CSMD1: variants seen among roughly 807,000 people sequenced by gnomAD.
CSMD1 encodes CUB and sushi domain-containing protein 1.
A neutral mutation model predicts 417.5 loss-of-function variants in CSMD1; 213 were observed. The observed-to-expected ratio is 0.51, with a 90% CI of 0.46 to 0.57. The LOEUF (loss-of-function observed/expected upper bound fraction) is 0.57. Ranked by LOEUF, CSMD1 falls within the 20% of genes least tolerant of loss-of-function variation. The pLI is 0.00. For missense variants in CSMD1, 6,923 were observed against 4,529.7 expected (o/e 1.53, Z -15.17); for synonymous variants, 2,862 against 1,736.8 (o/e 1.65, Z -16.11).
chr8:3,423,677 G>GAAGAAAGTCTT (rs1234852326), intron 12 of CSMD1, among the ~76,000 whole-genome samples: 1 of 152,208 alleles, frequency 6.6e-6, no homozygotes, highest in East Asian at 1.9e-4. Flanking sequence ...GGGCTATTAT[G>GAAGAAAGTCTT]AAGAAAGTCT....
In CSMD1 at chr8:3,262,214, T is replaced by C. The variant is rs942743675; in HGVS notation, c.4153+21930A>G. Among the ~76,000 whole-genome samples the C allele has an allele frequency of 5.4e-5, 6 of 110,472 alleles. 2 individuals carry two copies. Among genetic ancestry groups the C allele is most frequent in the African/African-American group, 2.0e-4 (6 of 30,348 alleles). 72.5% of individuals were successfully genotyped at this position (110,472 alleles called of 152,430 possible). On this transcript the variant is annotated intron_variant, in intron 26 of 69. Coordinates refer to ENST00000635120, the MANE Select transcript of CSMD1 (RefSeq NM_033225.6). ...ATATATATATATATATATATATATA[T>C]ATATATATATATATATACACACACA...
intron 3 of CSMD1, among the ~76,000 whole-genome samples, chr8:4,318,674 T>C (rs1799084022): frequency 6.7e-6 from 1 of 150,106 alleles, no homozygotes; most frequent in Non-Finnish European, 1.5e-5. Flanking sequence ...TTGATATCAC[T>C]GATTTTTAAC....
intron 3 of CSMD1, among the ~76,000 whole-genome samples, chr8:4,325,964 A>G (rs1324424964): frequency 2.6e-5 from 4 of 152,148 alleles, no homozygotes; most frequent in African/African-American, 9.7e-5. Context: ...ATCAGTCTAC[A>G]GTAGCACAAT....
chr8:4,877,653 C>A (rs1266983417), intron 1 of CSMD1, among the ~76,000 whole-genome samples: 1 of 151,772 alleles, frequency 6.6e-6, no homozygotes, highest in African/African-American at 2.4e-5. Context: ...CCAAATATAG[C>A]CAATAAACAC....
At chr8:4,736,794 A>C (rs1810275109) in intron 1 of CSMD1, among the ~76,000 whole-genome samples, 1 of 152,174 alleles carries the variant, frequency 6.6e-6, no homozygotes, top group African/African-American at 2.4e-5. Context: ...CTTTTGTATA[A>C]ACAAGTGCCT....
chr8:3,623,609 T>A (rs1796360340), intron 7 of CSMD1, among the ~76,000 whole-genome samples: 1 of 152,206 alleles, frequency 6.6e-6, no homozygotes, highest in African/African-American at 2.4e-5. Context: ...ATGTAATCCT[T>A]ATAATCAGGC....
chr8:3,034,762 C>A (rs1810563591), intron 50 of CSMD1, among the ~76,000 whole-genome samples: 1 of 152,072 alleles, frequency 6.6e-6, no homozygotes, highest in Non-Finnish European at 1.5e-5. Context: ...AAAATATAGT[C>A]TATAGGGACA....
intron 3 of CSMD1, among the ~76,000 whole-genome samples, chr8:4,126,312 GCT>G (rs1802761398): frequency 6.6e-6 from 1 of 152,144 alleles, no homozygotes; most frequent in Admixed American, 6.5e-5. Context: ...TGATAAATTG[GCT>G]CTGTCTGGGC....
chr8:4,144,220 T>G lies in CSMD1; in HGVS notation c.416-112121A>C, dbSNP rs908460052. ...TGCCCCTAGATCTTGGGCTTCTTCC[T>G]TGATTCAGCACAAACTGGCCGTAAG... is the stretch of plus-strand genomic sequence containing the variant. On this transcript the variant is annotated intron_variant, in intron 3 of 69. Coordinates refer to ENST00000635120, the MANE Select transcript of CSMD1 (RefSeq NM_033225.6). Among the ~76,000 whole-genome samples, 7 of 151,036 alleles carry G rather than the reference T, an allele frequency of 4.6e-5. 1 individual carries two copies. The highest frequency in any genetic ancestry group is 1.3e-4 in the Admixed American group (2 of 15,242).
At chr8:4,497,553 G>A (rs1395702484) in intron 2 of CSMD1, among the ~76,000 whole-genome samples, 1 of 152,186 alleles carries the variant, frequency 6.6e-6, no homozygotes, top group Non-Finnish European at 1.5e-5. Flanking sequence ...TGAGGAGCAG[G>A]GAGGAAAGAC....
chr8:4,054,570 C>G (rs1306374915), intron 3 of CSMD1, among the ~76,000 whole-genome samples: 2 of 152,096 alleles, frequency 1.3e-5, no homozygotes, highest in Non-Finnish European at 2.9e-5. Flanking sequence ...GAGTTCAACC[C>G]TCTTGGTGGT....
At chr8:4,512,438 A>C (rs1017478195) in intron 2 of CSMD1, among the ~76,000 whole-genome samples, 2 of 152,180 alleles carry the variant, frequency 1.3e-5, no homozygotes, top group Non-Finnish European at 2.9e-5. Flanking sequence ...GCAATAAAGC[A>C]AGTAGAGAAA....
intron 1 of CSMD1, among the ~76,000 whole-genome samples, chr8:4,934,995 C>T (rs904155710): frequency 1.1e-4 from 16 of 152,290 alleles, no homozygotes; most frequent in East Asian, 1.9e-4. Context: ...TGTCTATATT[C>T]ATCATCTATC....
At chr8:4,468,847 C>G (rs1800348536) in intron 2 of CSMD1, among the ~76,000 whole-genome samples, 1 of 152,048 alleles carries the variant, frequency 6.6e-6, no homozygotes, top group Non-Finnish European at 1.5e-5. Context: ...ATTGAATTAT[C>G]AATTAAGCTA....
At chr8:3,939,258 A>C (rs979720017) in intron 5 of CSMD1, among the ~76,000 whole-genome samples, 1 of 152,186 alleles carries the variant, frequency 6.6e-6, no homozygotes, top group African/African-American at 2.4e-5. Flanking sequence ...TATGAAAAAA[A>C]ATGCTCAACA....
intron 3 of CSMD1, among the ~76,000 whole-genome samples, chr8:4,085,306 T>A (rs1255649694): frequency 1.3e-5 from 2 of 152,124 alleles, no homozygotes; most frequent in Non-Finnish European, 2.9e-5. Context: ...AGTTAGGAAG[T>A]TTAATGAAGC....
At chr8:4,640,017 C>A (rs1376326140) in intron 1 of CSMD1, among the ~76,000 whole-genome samples, 1 of 152,066 alleles carries the variant, frequency 6.6e-6, no homozygotes, top group Admixed American at 6.5e-5. Flanking sequence ...AAAGGGAAGA[C>A]TTGATTATAA....
chr8:3,306,499 G>C (rs374312855), intron 25 of CSMD1, among the ~76,000 whole-genome samples: 6 of 152,090 alleles, frequency 3.9e-5, no homozygotes, highest in African/African-American at 1.2e-4. Flanking sequence ...TCAGCTTCAC[G>C]TATGTGTAGG....
At position 4,432,101 on chromosome 8, in the gene CSMD1, A is replaced by C. The variant is rs139489802; in HGVS notation, c.303-12036T>G. 7.1e-3 allele frequency among the ~76,000 whole-genome samples: 1,083 copies of C among 152,334 alleles called. 11 individuals are homozygous for C. The highest frequency in any genetic ancestry group is 0.024 in the African/African-American group (1,003 of 41,574). On this transcript the variant is annotated intron_variant, in intron 2 of 69. Coordinates refer to ENST00000635120, the MANE Select transcript of CSMD1 (RefSeq NM_033225.6). ...TAGAATACAGAAATATTGGCTATTGAGTTCAAAAAGGTGATTATATAAAAT... is the reference window on the plus strand; with the variant it reads ...TAGAATACAGAAATATTGGCTATTGCGTTCAAAAAGGTGATTATATAAAAT...
Sources: gnomAD v4.1 joint callset for allele counts (sites outside exome capture counted in the v4.1 genomes callset) on GRCh38, gnomAD v4.1.1 for gene constraint, MANE v1.5 for transcripts, NCBI Gene and HGNC (gene_info 2026-07-23, HGNC 2026-07-21) for gene names.